TRAPPC11: variants seen among roughly 807,000 people sequenced by gnomAD.
TRAPPC11 encodes trafficking protein particle complex subunit 11.
TRAPPC11 carries 104 observed loss-of-function variants against 151.2 expected under a neutral mutation model. The observed-to-expected ratio is 0.69, with a 90% CI of 0.59 to 0.81. TRAPPC11 has a LOEUF of 0.81. TRAPPC11 is among the 30% of genes least tolerant of loss of function. TRAPPC11 has a pLI of 0.00. For missense variants in TRAPPC11, 1,230 were observed against 1,349.6 expected, an observed-to-expected ratio of 0.91 and a Z score of 1.39; for synonymous variants, 456 against 472.3, an observed-to-expected ratio of 0.97 and a Z score of 0.45.
At position 183,712,907 on chromosome 4, in the gene TRAPPC11, A is replaced by G; in HGVS notation, c.*263A>G. Reference sequence around the variant, plus strand: ...GTTATTGTTGAAAGTCATTTGATGAATGGTAAATTCTATGAAAAGTAAGTG... The same window carrying G: ...GTTATTGTTGAAAGTCATTTGATGAGTGGTAAATTCTATGAAAAGTAAGTG... On this transcript the variant is annotated 3_prime_UTR_variant, in exon 30 of 30. Transcript: ENST00000334690. 2.3e-6 allele frequency: 1 copy of G among 434,820 alleles called. No individual in the cohort carries two copies. Among genetic ancestry groups the G allele is most frequent in the East Asian group, 3.6e-5 (1 of 27,660 alleles). The allele number at this position is 434,820 out of a possible 1,614,324, so 26.9% of individuals were successfully genotyped here. A position where few individuals can be genotyped will look rare whatever the true frequency, so the allele number is the denominator to read the frequency against.
intron 6 of TRAPPC11, 150 bp from the exon 7 acceptor site, chr4:183,675,011 CCTT>C (rs1435574029): frequency 1.8e-6 from 1 of 551,942 alleles, no homozygotes; most frequent in East Asian, 3.4e-5. Flanking sequence ...ATTTTTATAG[CCTT>C]CTTAATTGTG....
At chr4:183,694,954 T>C (rs936607182) in intron 23 of TRAPPC11, among the ~76,000 whole-genome samples, 18 of 149,776 alleles carry the variant, frequency 1.2e-4, no homozygotes, top group Non-Finnish European at 2.1e-4. Context: ...TCTTTTTTTT[T>C]TTTTTTTTTT....
intron 7 of TRAPPC11, among the ~76,000 whole-genome samples, chr4:183,677,080 G>A (rs1678915254): frequency 6.6e-6 from 1 of 152,180 alleles, no homozygotes; most frequent in African/African-American, 2.4e-5. Flanking sequence ...GTGCTGTCTT[G>A]ATACCACCTT....
intron 23 of TRAPPC11, among the ~76,000 whole-genome samples, chr4:183,696,222 G>A (rs1205530646): frequency 6.6e-6 from 1 of 152,142 alleles, no homozygotes; most frequent in African/African-American, 2.4e-5. Flanking sequence ...CACGTCATTA[G>A]GTTCAAGGTC....
rs1736394407 is a variant in TRAPPC11 at position 183,693,946 on chromosome 4, C to T, written c.2416C>T (p.His806Tyr). ...GQDANLTQKT[H>Y]VTLHGTELCD... The stretch of plus-strand genomic sequence containing the variant: ...GGATGCCAATTTAACTCAGAAGACT[C>T]ACGTGACTCTTCATGGAACAGAACT... The change falls in exon 22 of 30, where the codon CAC (histidine) becomes TAC (tyrosine). Residue 806 changes from histidine to tyrosine, a missense_variant. Transcript: ENST00000334690. 1 of 1,613,878 alleles carries T rather than the reference C, an allele frequency of 6.2e-7. No individual in the cohort carries two copies. The highest frequency in any genetic ancestry group is 8.5e-7 in the Non-Finnish European group (1 of 1,179,778).
At chr4:183,707,714 A>AT (rs1212622024) in intron 28 of TRAPPC11, among the ~76,000 whole-genome samples, 2 of 152,304 alleles carry the variant, frequency 1.3e-5, no homozygotes, top group Non-Finnish European at 2.9e-5. Flanking sequence ...TTTATATGAA[A>AT]TATGCTGTAT....
chr4:183,669,541 C>G (rs940810418), intron 5 of TRAPPC11, among the ~76,000 whole-genome samples: 1 of 152,218 alleles, frequency 6.6e-6, no homozygotes, highest in Non-Finnish European at 1.5e-5. Flanking sequence ...TTCAACGAAG[C>G]CTTCATTAGA....
chr4:183,674,887 C>T (rs1171611853), intron 6 of TRAPPC11, 75 bp downstream of exon 6: 4 of 885,268 alleles, frequency 4.5e-6, no homozygotes, highest in Non-Finnish European at 5.3e-6. Context: ...ATTACATGTT[C>T]TTAATACTTT....
Position 183,693,113 on chromosome 4 carries a change from C to G in TRAPPC11, c.2203C>G (p.His735Asp). The G allele has an allele frequency of 6.2e-7, 1 of 1,611,022 alleles. No individual in the cohort carries two copies. The highest frequency in any genetic ancestry group is 1.3e-5 in the African/African-American group (1 of 74,980). Residue 735 changes from histidine (H) to aspartate (D), a missense_variant, in exon 20 of 30, where the codon CAC becomes GAC. Physicochemically the swap from His to Asp is moderately conservative, Grantham distance 81 (BLOSUM62 -1). Transcript: ENST00000334690. ...RRPKLPDNEV[H>D]WDSIIIQAST... ...ACCTAAGCTACCTGACAATGAAGTT[C>G]ACTGGGACAGCATTATAATTCAGGC...
At position 183,708,398 on chromosome 4, in the gene TRAPPC11, A is replaced by C; in HGVS notation, c.3190-9A>C. ...TGATTATCTTTCTCTGTGACTTTTT[A>C]TGATGCAGATTCGATTACGTATCCT... On this transcript the variant is annotated splice_polypyrimidine_tract_variant and intron_variant, in intron 28 of 29. Coordinates refer to ENST00000334690, the MANE Select transcript of TRAPPC11 (RefSeq NM_021942.6). The C allele has an allele frequency of 6.2e-7, 1 of 1,607,488 alleles. No individual in the cohort carries two copies. Among genetic ancestry groups the C allele is most frequent in the Non-Finnish European group, 8.5e-7 (1 of 1,176,682 alleles).
intron 23 of TRAPPC11, among the ~76,000 whole-genome samples, chr4:183,695,534 CA>C (rs754741819): frequency 1.3e-5 from 2 of 152,154 alleles, no homozygotes; most frequent in Non-Finnish European, 2.9e-5. Context: ...AGATTTTTAA[CA>C]GGCCATGTTT....
intron 20 of TRAPPC11, 36 bp downstream of exon 20, chr4:183,693,183 T>C (rs1157962786): frequency 5.2e-6 from 8 of 1,524,194 alleles, no homozygotes; most frequent in Non-Finnish European, 7.1e-6. Context: ...TTAAAGGTCA[T>C]CCTCTTATTT....
intron 11 of TRAPPC11, 91 bp from the exon 12 acceptor site, chr4:183,683,884 A>G: frequency 1.0e-6 from 1 of 988,740 alleles, no homozygotes; most frequent in South Asian, 1.4e-5. Context: ...TATATTAAAT[A>G]AAGGTTTCAA....
intron 19 of TRAPPC11, among the ~76,000 whole-genome samples, chr4:183,692,072 G>GGCA (rs776727912): frequency 2.0e-5 from 3 of 152,056 alleles, no homozygotes; most frequent in Non-Finnish European, 4.4e-5. Context: ...TGTGGCCCTG[G>GGCA]GCAGTTACTT....
chr4:183,664,172 T>A, intron 2 of TRAPPC11, 101 bp downstream of exon 2: 1 of 985,658 alleles, frequency 1.0e-6, no homozygotes, highest in Non-Finnish European at 1.6e-6. Context: ...ATCAAGACAG[T>A]GGTCACAGTG....
chr4:183,676,827 C>T (rs1029347458), intron 7 of TRAPPC11, among the ~76,000 whole-genome samples: 5 of 152,130 alleles, frequency 3.3e-5, no homozygotes, highest in Admixed American at 6.5e-5. Context: ...TGTGGTGGCA[C>T]GATCTCAGCT....
chr4:183,665,232 C>G (rs984451931), intron 2 of TRAPPC11, among the ~76,000 whole-genome samples: 1 of 151,416 alleles, frequency 6.6e-6, no homozygotes, highest in Admixed American at 6.6e-5. Flanking sequence ...GTGGCTGGGA[C>G]TACAGGCGCC....
chr4:183,712,173 G>A (rs759960415), intron 29 of TRAPPC11, among the ~76,000 whole-genome samples: 4 of 152,208 alleles, frequency 2.6e-5, no homozygotes, highest in Non-Finnish European at 5.9e-5. Flanking sequence ...CCTGCTTAAA[G>A]CTTGAGACAC....
intron 7 of TRAPPC11, 52 bp downstream of exon 7, chr4:183,675,289 A>C (rs1384898082): frequency 8.6e-7 from 1 of 1,165,572 alleles, no homozygotes; most frequent in Non-Finnish European, 1.2e-6. Context: ...TAACAATAAC[A>C]TGTGATGGAA....
Sources: gnomAD v4.1 joint callset for allele counts (sites outside exome capture counted in the v4.1 genomes callset) on GRCh38, gnomAD v4.1.1 for gene constraint, MANE v1.5 for transcripts, NCBI Gene and HGNC (gene_info 2026-07-23, HGNC 2026-07-21) for gene names.